The following NR1I2 variants were observed in gnomAD, a reference collection of about 807,000 sequenced individuals.
The protein encoded by NR1I2 is orphan nuclear receptor PAR1.
In NR1I2, 42 loss-of-function variants were observed where a neutral mutation model predicts 43.3. The observed-to-expected ratio is 0.97, with a 90% CI of 0.76 to 1.26. The LOEUF (loss-of-function observed/expected upper bound fraction) is 1.26, where lower values mean the gene tolerates loss of function less well. NR1I2 is among the 50% of genes most tolerant of loss of function. The probability of loss-of-function intolerance (pLI) is 0.00; values close to 1 mark genes in which losing one functional copy is unlikely to be tolerated. For synonymous variants in NR1I2, 229 were observed against 215.0 expected (o/e 1.06, Z -0.57); for missense variants, 559 against 566.7 (o/e 0.99, Z 0.14).
intron 2 of NR1I2, 25 bp from the exon 3 acceptor site, chr3:119,810,036 C>G (rs745869197): frequency 6.2e-7 from 1 of 1,613,616 alleles, no homozygotes; most frequent in Non-Finnish European, 8.5e-7. Context: ...GTGCATCCCC[C>G]CTTCTGCTCC....
At chr3:119,815,875 G>T in intron 8 of NR1I2, 44 bp downstream of exon 8, 1 of 1,504,178 alleles carries the variant, frequency 6.6e-7, no homozygotes. Flanking sequence ...TGATGTGAGG[G>T]AGCCGAGGTT....
chr3:119,799,925 C>T (rs1012889326), intron 1 of NR1I2, among the ~76,000 whole-genome samples: 11 of 152,010 alleles, frequency 7.2e-5, no homozygotes, highest in African/African-American at 2.7e-4. Context: ...GGTTGTGCAC[C>T]ACTGCACTCC....
intron 1 of NR1I2, among the ~76,000 whole-genome samples, chr3:119,791,076 T>G (rs992589945): frequency 6.6e-6 from 1 of 152,242 alleles, no homozygotes; most frequent in African/African-American, 2.4e-5. Context: ...AATAATGTTT[T>G]GGTGTCTTTG....
At chr3:119,806,022 G>T (rs1244971615) in intron 1 of NR1I2, among the ~76,000 whole-genome samples, 1 of 152,162 alleles carries the variant, frequency 6.6e-6, no homozygotes, top group Non-Finnish European at 1.5e-5. Context: ...GAAACTGTCA[G>T]ATGTCACCTG....
rs1559783817 is a variant in NR1I2, at chr3:119,792,314, G to A, written c.-23+10014G>A. On this transcript the variant is annotated intron_variant, in intron 1 of 8. Transcript: ENST00000393716. ...GAGCAGCCACCTTTGGGCTCATCCT[G>A]GATGATGTGTCTTTGACACATCTGA... is the stretch of plus-strand genomic sequence containing the variant. 1.1e-5 allele frequency: 16 copies of A among 1,444,256 alleles called. No individual in the cohort carries two copies. The East Asian group carries it at 3.4e-4, about 31-fold the overall frequency. The allele number at this position is 1,444,256 out of a possible 1,614,324, so 89.5% of individuals were successfully genotyped here. A position where few individuals can be genotyped will look rare whatever the true frequency, so the allele number is the denominator to read the frequency against.
chr3:119,784,737 T>G (rs1268153183), intron 1 of NR1I2, among the ~76,000 whole-genome samples: 3 of 152,190 alleles, frequency 2.0e-5, no homozygotes, highest in Non-Finnish European at 2.9e-5. Flanking sequence ...TATTGAAAAG[T>G]CCATCTTTTT....
Position 119,817,360 on chromosome 3 carries a change from G to A in NR1I2, c.*148G>A. Reference sequence around the variant, plus strand: ...CTAGGGAATTCCTGCTATGACAGCTGGCTAGCATTCCTCAGGAAGGACATG... The same window carrying A: ...CTAGGGAATTCCTGCTATGACAGCTAGCTAGCATTCCTCAGGAAGGACATG... On this transcript the variant is annotated 3_prime_UTR_variant, in exon 9 of 9. Transcript: ENST00000393716. 1 of 1,530,054 alleles carries A rather than the reference G, an allele frequency of 6.5e-7. No homozygotes were observed. Among genetic ancestry groups the A allele is most frequent in the East Asian group, 2.4e-5 (1 of 41,428 alleles). The allele number at this position is 1,530,054 out of a possible 1,614,324, so 94.8% of individuals were successfully genotyped here.
At chr3:119,809,360 C>T (rs1471439591) in intron 2 of NR1I2, among the ~76,000 whole-genome samples, 1 of 151,992 alleles carries the variant, frequency 6.6e-6, no homozygotes, top group Non-Finnish European at 1.5e-5. Flanking sequence ...GTGTGCGGGC[C>T]CGTGGGTCCC....
rs779539907 is a variant in NR1I2, at chr3:119,817,278, C to G, written c.*66C>G. 4.1e-5 allele frequency: 66 copies of G among 1,607,182 alleles called. No individual in the cohort carries two copies. Among genetic ancestry groups the G allele is most frequent in the Non-Finnish European group, 5.6e-5 (66 of 1,179,438 alleles). On this transcript the variant is annotated 3_prime_UTR_variant, in exon 9 of 9. Transcript: ENST00000393716. ...CCAGAGCCCTCTGAGCCGCCACTCCCGGGCCAAGACAGATGGACACTGCCA... is the reference window on the plus strand; with the variant it reads ...CCAGAGCCCTCTGAGCCGCCACTCCGGGGCCAAGACAGATGGACACTGCCA...
chr3:119,814,265 C>G (rs1245962074), intron 5 of NR1I2, among the ~76,000 whole-genome samples: 1 of 152,134 alleles, frequency 6.6e-6, no homozygotes, highest in Non-Finnish European at 1.5e-5. Flanking sequence ...GAGGTGGGGG[C>G]CCCTCCCAGG....
chr3:119,788,944 T>C (rs919831754), intron 1 of NR1I2, among the ~76,000 whole-genome samples: 1 of 152,210 alleles, frequency 6.6e-6, no homozygotes, highest in African/African-American at 2.4e-5. Flanking sequence ...ACCCATAGCA[T>C]CAGCTCACCT....
intron 1 of NR1I2, among the ~76,000 whole-genome samples, chr3:119,801,229 A>C (rs1401294826): frequency 6.6e-6 from 1 of 152,220 alleles, no homozygotes; most frequent in Non-Finnish European, 1.5e-5. Flanking sequence ...CTTACCCTGC[A>C]TACCGGATTT....
In NR1I2 at chr3:119,814,995, G is replaced by A. The variant is rs144833620; in HGVS notation, c.811G>A (p.Asp271Asn). ...TGCTGCCAGGGACTTGCCCATCGAG[G>A]ACCAGATCTCCCTGCTGAAGGGGGC... Residue 271 changes from aspartate (D) to asparagine (N), a missense_variant, in exon 6 of 9, where the codon GAC becomes AAC. Around this residue, in one of 3 missense-constraint regions of NR1I2, gnomAD observed 323 missense variants for 312.2 expected, o/e 1.03. Coordinates refer to ENST00000393716, the MANE Select transcript of NR1I2 (RefSeq NM_003889.4). 8.2e-5 allele frequency: 133 copies of A among 1,614,156 alleles called. No individual in the cohort carries two copies. Among genetic ancestry groups the A allele is most frequent in the Middle Eastern group, 5.0e-4 (3 of 6,056 alleles).
intron 1 of NR1I2, among the ~76,000 whole-genome samples, chr3:119,794,321 T>G (rs2054964531): frequency 6.6e-6 from 1 of 151,798 alleles, no homozygotes; most frequent in Admixed American, 6.6e-5. Context: ...GCCTCCTGAG[T>G]AGCTGGGACC....
At chr3:119,791,531 C>T (rs944405833) in intron 1 of NR1I2, among the ~76,000 whole-genome samples, 1 of 152,040 alleles carries the variant, frequency 6.6e-6, no homozygotes, top group South Asian at 2.1e-4. Flanking sequence ...TTTGATCATC[C>T]CTGTCCTAAA....
Position 119,816,510 on chromosome 3 carries a change from G to T in NR1I2, c.1161-558G>T, listed in dbSNP as rs1463576027. ...GCAATATCTACATTTTCCCACGGAAGTCTCTGTGTACAAAGATGCAACTCC... is the reference window on the plus strand; with the variant it reads ...GCAATATCTACATTTTCCCACGGAATTCTCTGTGTACAAAGATGCAACTCC... On this transcript the variant is annotated intron_variant, in intron 8 of 8. Transcript: ENST00000393716. Among the ~76,000 whole-genome samples the T allele has an allele frequency of 3.9e-5, 6 of 152,262 alleles. No homozygotes were observed. The East Asian group carries it at 1.2e-3, about 29-fold the overall frequency.
At chr3:119,810,252 G>A (rs1389485211) in intron 3 of NR1I2, 58 bp downstream of exon 3, 2 of 1,546,984 alleles carry the variant, frequency 1.3e-6, no homozygotes, top group Non-Finnish European at 1.7e-6. Flanking sequence ...GAGTAAGGAC[G>A]TGCCGTGGGT....
intron 1 of NR1I2, 55 bp from the exon 2 acceptor site, chr3:119,807,174 G>A (rs2055172738): frequency 9.6e-6 from 14 of 1,457,526 alleles, no homozygotes; most frequent in Non-Finnish European, 1.3e-5. Flanking sequence ...TTCCTCTGAG[G>A]CCTCTACACA....
chr3:119,785,758 A>G (rs1383992152), intron 1 of NR1I2, among the ~76,000 whole-genome samples: 1 of 152,200 alleles, frequency 6.6e-6, no homozygotes, highest in Non-Finnish European at 1.5e-5. Context: ...CTACCAGCTC[A>G]ATCCTGCATG....
Sources: allele counts gnomAD v4.1 joint callset (sites outside exome capture counted in the v4.1 genomes callset), GRCh38; gene constraint gnomAD v4.1.1; regional missense constraint gnomAD v4.1.1; transcripts MANE v1.5; gene names NCBI Gene and HGNC (gene_info 2026-07-23, HGNC 2026-07-21).